Variants in SLC24A3 observed in about 807,000 individuals in gnomAD.
The protein encoded by SLC24A3 is solute carrier family 24 member 3, also known as sodium/potassium/calcium exchanger 3.
Under a neutral mutation model 75.8 loss-of-function variants are expected in SLC24A3, and 28 were observed. The observed-to-expected ratio is 0.37, with a 90% CI of 0.27 to 0.51. The LOEUF (loss-of-function observed/expected upper bound fraction) is 0.51, where lower values mean the gene tolerates loss of function less well. SLC24A3 is among the 20% of genes least tolerant of loss of function. SLC24A3 has a pLI of 0.94. For synonymous variants in SLC24A3, 372 were observed against 334.1 expected (o/e 1.11, Z -1.24); for missense variants, 663 against 847.8 (o/e 0.78, Z 2.71).
At chr20:19,488,589 T>C (rs1988161655) in intron 2 of SLC24A3, among the ~76,000 whole-genome samples, 1 of 152,166 alleles carries the variant, frequency 6.6e-6, no homozygotes, top group Admixed American at 6.5e-5. Flanking sequence ...AATGCTTCAG[T>C]TGGAAAATTG....
intron 2 of SLC24A3, among the ~76,000 whole-genome samples, chr20:19,400,229 G>A (rs1476283480): frequency 6.6e-6 from 1 of 152,098 alleles, no homozygotes; most frequent in Non-Finnish European, 1.5e-5. Flanking sequence ...ACCTTATTAG[G>A]TGCTGGATAT....
At chr20:19,618,936 G>T (rs991819188) in intron 6 of SLC24A3, among the ~76,000 whole-genome samples, 2 of 152,258 alleles carry the variant, frequency 1.3e-5, no homozygotes, top group Admixed American at 6.5e-5. Flanking sequence ...GCGTTGTTCA[G>T]ATTCCCACAA....
intron 15 of SLC24A3, among the ~76,000 whole-genome samples, chr20:19,704,871 G>T (rs543691715): frequency 3.3e-5 from 5 of 152,146 alleles, no homozygotes; most frequent in Non-Finnish European, 7.3e-5. Flanking sequence ...CAGGGCTCAG[G>T]TTTCATGCTA....
intron 6 of SLC24A3, among the ~76,000 whole-genome samples, chr20:19,620,030 A>G (rs2031783585): frequency 6.6e-6 from 1 of 151,826 alleles, no homozygotes; most frequent in South Asian, 2.1e-4. Flanking sequence ...TGGCCCACCA[A>G]CCCTCTTTTG....
chr20:19,573,407 C>T (rs2031083649), intron 3 of SLC24A3, among the ~76,000 whole-genome samples: 1 of 152,202 alleles, frequency 6.6e-6, no homozygotes, highest in Non-Finnish European at 1.5e-5. Flanking sequence ...TTCTCAGAAT[C>T]CTGGGTCAAT....
intron 3 of SLC24A3, among the ~76,000 whole-genome samples, chr20:19,566,735 AGT>A (rs2030965059): frequency 1.3e-5 from 2 of 152,176 alleles, no homozygotes; most frequent in South Asian, 4.1e-4. Context: ...TGCTTCACAG[AGT>A]GTGTGTGTGC....
At chr20:19,421,809 A>C (rs1986922984) in intron 2 of SLC24A3, among the ~76,000 whole-genome samples, 2 of 152,162 alleles carry the variant, frequency 1.3e-5, no homozygotes, top group Non-Finnish European at 2.9e-5. Flanking sequence ...TCAACACAGG[A>C]AGAAGAGGGG....
intron 15 of SLC24A3, among the ~76,000 whole-genome samples, chr20:19,716,568 G>C (rs929219966): frequency 1.3e-5 from 2 of 151,942 alleles, no homozygotes; most frequent in East Asian, 3.9e-4. Context: ...AAACTCCAAG[G>C]CTGGGTGCAG....
intron 2 of SLC24A3, among the ~76,000 whole-genome samples, chr20:19,446,690 T>C (rs2122475658): frequency 6.6e-6 from 1 of 152,316 alleles, no homozygotes; most frequent in Admixed American, 6.5e-5. Flanking sequence ...GACCTCAGCT[T>C]TGCCACTAGC....
chr20:19,332,125 G>T (rs565137334), intron 2 of SLC24A3, among the ~76,000 whole-genome samples: 1 of 152,352 alleles, frequency 6.6e-6, no homozygotes, highest in East Asian at 1.9e-4. Context: ...GTCTGCCATG[G>T]TAAGGAGTTT....
intron 2 of SLC24A3, among the ~76,000 whole-genome samples, chr20:19,493,350 T>G (rs577721197): frequency 3.9e-5 from 6 of 152,198 alleles, no homozygotes; most frequent in Non-Finnish European, 8.8e-5. Context: ...AATTCAGTGA[T>G]GTATTTTTAA....
chr20:19,346,319 A>ATATATATATGG (rs1985422924), intron 2 of SLC24A3, among the ~76,000 whole-genome samples: 1 of 100,722 alleles, frequency 9.9e-6, no homozygotes, highest in African/African-American at 5.7e-5. Flanking sequence ...TATATATGGT[A>ATATATATATGG]TATATATATG....
chr20:19,611,064 C>T (rs563090959), intron 6 of SLC24A3, among the ~76,000 whole-genome samples: 17 of 152,318 alleles, frequency 1.1e-4, no homozygotes, highest in African/African-American at 2.6e-4. Context: ...GCTGGCTTCA[C>T]GGATGCTAAA....
At chr20:19,349,493 A>G (rs978321251) in intron 2 of SLC24A3, among the ~76,000 whole-genome samples, 1 of 152,122 alleles carries the variant, frequency 6.6e-6, no homozygotes, top group Admixed American at 6.5e-5. Flanking sequence ...GGACCACACC[A>G]CCTGCCCCTC....
At chr20:19,572,606 C>A (rs973874275) in intron 3 of SLC24A3, among the ~76,000 whole-genome samples, 1 of 152,268 alleles carries the variant, frequency 6.6e-6, no homozygotes, top group African/African-American at 2.4e-5. Context: ...TGAAAGTCAA[C>A]GGAGCTCTCT....
At chr20:19,610,161 T>C (rs760808952) in intron 6 of SLC24A3, among the ~76,000 whole-genome samples, 1 of 152,236 alleles carries the variant, frequency 6.6e-6, no homozygotes, top group Non-Finnish European at 1.5e-5. Flanking sequence ...TTTCTTCTTC[T>C]CCTTTTCCTT....
rs1312815784 is a variant in SLC24A3, at chr20:19,639,988, G to T, written c.613-14074G>T. 3.3e-5 allele frequency among the ~76,000 whole-genome samples: 5 copies of T among 152,240 alleles called. No individual in the cohort carries two copies. In the South Asian group the frequency reaches 1.0e-3, roughly 31 times the overall value. Reference sequence around the variant, plus strand: ...TCCAGCTGGCCCGCAAGCGCGGAGCGCAGCCCTGATTCCCGCTGGCGCCTC... The same window carrying T: ...TCCAGCTGGCCCGCAAGCGCGGAGCTCAGCCCTGATTCCCGCTGGCGCCTC... On this transcript the variant is annotated intron_variant, in intron 6 of 16. Transcript: ENST00000328041.
At position 19,362,199 on chromosome 20, in the gene SLC24A3, G is replaced by A. The variant is rs540110424; in HGVS notation, c.271+81112G>A. ...TCTCGCATTCTCTGGCAACATAGACGCAGGAGATGTTATTTTAATTAGCAT... is the reference window on the plus strand; with the variant it reads ...TCTCGCATTCTCTGGCAACATAGACACAGGAGATGTTATTTTAATTAGCAT... On this transcript the variant is annotated intron_variant, in intron 2 of 16. Coordinates refer to ENST00000328041, the MANE Select transcript of SLC24A3 (RefSeq NM_020689.4). Among the ~76,000 whole-genome samples the A allele has an allele frequency of 7.9e-5, 12 of 152,310 alleles. No individual in the cohort carries two copies. The South Asian group carries it at 1.2e-3, about 16-fold the overall frequency.
chr20:19,440,983 G>A lies in SLC24A3; in HGVS notation c.272-74505G>A, dbSNP rs186976742. 4.0e-3 allele frequency among the ~76,000 whole-genome samples: 613 copies of A among 152,166 alleles called. 15 individuals carry two copies. Among genetic ancestry groups the A allele is most frequent in the Non-Finnish European group, 7.6e-4 (52 of 67,992 alleles). Reference sequence around the variant, plus strand: ...AGCAAAGCCATGTATTCTCTGAGTGGGAAGCAGGCCGGATCCTGAGAGTTC... The same window carrying A: ...AGCAAAGCCATGTATTCTCTGAGTGAGAAGCAGGCCGGATCCTGAGAGTTC... On this transcript the variant is annotated intron_variant, in intron 2 of 16. Coordinates refer to ENST00000328041, the MANE Select transcript of SLC24A3 (RefSeq NM_020689.4).
Sources: gnomAD v4.1 joint callset for allele counts (sites outside exome capture counted in the v4.1 genomes callset) on GRCh38, gnomAD v4.1.1 for gene constraint, MANE v1.5 for transcripts, NCBI Gene and HGNC (gene_info 2026-07-23, HGNC 2026-07-21) for gene names.